The following MYCBP2 variants were observed in gnomAD, a reference collection of about 807,000 sequenced individuals.
The protein encoded by MYCBP2 is E3 ubiquitin-protein ligase MYCBP2.
MYCBP2 carries 120 observed loss-of-function variants against 525.3 expected under a neutral mutation model. The ratio of observed to expected loss-of-function variants is 0.23; its 90% CI spans 0.20 to 0.27. MYCBP2 has a LOEUF of 0.27. Among genes scored for constraint, MYCBP2 ranks in the 10% least tolerant of loss-of-function variants. The pLI, the probability that MYCBP2 is intolerant of heterozygous loss-of-function variation, is 1.00. For synonymous variants in MYCBP2, 1,894 were observed against 1,955.8 expected, an observed-to-expected ratio of 0.97 and a Z score of 0.83; for missense variants, 4,149 against 5,657.1, an observed-to-expected ratio of 0.73 and a Z score of 8.55.
At chr13:77,309,512 A>G (rs1217446148) in intron 1 of MYCBP2, among the ~76,000 whole-genome samples, 2 of 152,352 alleles carry the variant, frequency 1.3e-5, no homozygotes, top group East Asian at 3.9e-4. Context: ...AAAGAAGAAA[A>G]TTCAGAGAGA....
chr13:77,071,269 ACG>A (rs1172668839), intron 68 of MYCBP2, among the ~76,000 whole-genome samples: 7 of 122,832 alleles, frequency 5.7e-5, no homozygotes, highest in South Asian at 6.2e-4. Context: ...GTGTGTGCAC[ACG>A]CACACACACA....
intron 30 of MYCBP2, among the ~76,000 whole-genome samples, chr13:77,187,599 AG>A: frequency 6.6e-6 from 1 of 152,236 alleles, no homozygotes; most frequent in East Asian, 1.9e-4. Flanking sequence ...GAAGACTGAC[AG>A]AGCCAAATGT....
chr13:77,162,660 CTT>C (rs1016525495), intron 43 of MYCBP2, among the ~76,000 whole-genome samples: 2 of 151,338 alleles, frequency 1.3e-5, no homozygotes, highest in Non-Finnish European at 3.0e-5. Flanking sequence ...TAAACATACT[CTT>C]TTTTTTTCTT....
At chr13:77,171,829 T>TGAA (rs1261116146) in intron 37 of MYCBP2, among the ~76,000 whole-genome samples, 195 bp from the exon 38 acceptor site, 2 of 152,138 alleles carry the variant, frequency 1.3e-5, no homozygotes, top group Non-Finnish European at 2.9e-5. Flanking sequence ...GGGCATAAAG[T>TGAA]GAAGGGTGTT....
intron 21 of MYCBP2, among the ~76,000 whole-genome samples, chr13:77,217,107 T>C (rs1246783675): frequency 6.6e-6 from 1 of 152,232 alleles, no homozygotes; most frequent in East Asian, 1.9e-4. Context: ...GTGCAATCTT[T>C]CTGTAAGTTT....
chr13:77,129,847 AATAC>A (rs1185175084), intron 52 of MYCBP2: 6 of 152,084 alleles, frequency 3.9e-5, no homozygotes, highest in African/African-American at 1.2e-4. Context: ...AGAAAAACAT[AATAC>A]ATACAATCAA....
At chr13:77,055,826 CT>C in intron 79 of MYCBP2, 59 bp from the exon 80 acceptor site, 2 of 1,227,908 alleles carry the variant, frequency 1.6e-6, no homozygotes, top group South Asian at 1.3e-5. Context: ...TCAACAAACA[CT>C]TAGCATGCAC....
chr13:77,081,955 A>C lies in MYCBP2; in HGVS notation c.11075T>G (p.Phe3692Cys). ...ATGAAAGACGTTGCTCTGATGAAGG[A>C]ACTGGTGATCAGATTGCTTGAATTT... The part of the protein sequence containing the change: ...SLKFKQSDHQ[F>C]LHQSNVFHHI... Residue 3692 changes from phenylalanine to cysteine, a missense_variant, in exon 64 of 83, where the codon TTC becomes TGC. Phe to Cys is a radical substitution (Grantham distance 205, BLOSUM62 -2). Around this residue, in one of 21 missense-constraint regions of MYCBP2, gnomAD observed 509 missense variants for 789.4 expected, o/e 0.64. Coordinates refer to ENST00000544440, the MANE Select transcript of MYCBP2 (RefSeq NM_015057.5). This position sits in a 1 kb window ranked among gnomAD's most constrained non-coding sequence, Gnocchi z 4.6. 1 of 1,613,584 alleles carries C rather than the reference A, an allele frequency of 6.2e-7. No homozygotes were observed. The highest frequency in any genetic ancestry group is 8.5e-7 in the Non-Finnish European group (1 of 1,179,710).
At chr13:77,110,743 G>A (rs1453276576) in intron 55 of MYCBP2, among the ~76,000 whole-genome samples, 8 of 152,018 alleles carry the variant, frequency 5.3e-5, no homozygotes, top group Non-Finnish European at 1.0e-4. Flanking sequence ...TCTCAGACTG[G>A]CCAATGCTTA....
chr13:77,251,466 T>C (rs762805589), intron 14 of MYCBP2, 111 bp from the exon 15 acceptor site: 28 of 830,888 alleles, frequency 3.4e-5, no homozygotes, highest in East Asian at 7.6e-5. Flanking sequence ...CAAGCAATTA[T>C]ACAAAGAAAT....
chr13:77,133,360 T>C (rs1566652547), intron 52 of MYCBP2, among the ~76,000 whole-genome samples: 1 of 152,200 alleles, frequency 6.6e-6, no homozygotes, highest in Non-Finnish European at 1.5e-5. Flanking sequence ...AGAATGATCA[T>C]ATCAAATGCA....
At chr13:77,268,710 C>T (rs1035906111) in intron 7 of MYCBP2, among the ~76,000 whole-genome samples, 4 of 151,298 alleles carry the variant, frequency 2.6e-5, no homozygotes, top group Admixed American at 6.6e-5. Flanking sequence ...ACCTGGGAGG[C>T]GGAGGTTGCA....
chr13:77,059,796 T>C (rs2038936639), intron 76 of MYCBP2, among the ~76,000 whole-genome samples, 170 bp from the exon 77 acceptor site: 1 of 152,040 alleles, frequency 6.6e-6, no homozygotes, highest in Admixed American at 6.6e-5. Flanking sequence ...ATAAAGTAAA[T>C]AATGACACAC....
At chr13:77,300,772 A>T (rs1162379588) in intron 1 of MYCBP2, among the ~76,000 whole-genome samples, 1 of 152,248 alleles carries the variant, frequency 6.6e-6, no homozygotes, top group African/African-American at 2.4e-5. Flanking sequence ...GATAGGAGGC[A>T]GGCCAATGCG....
rs2058527629 is a variant in MYCBP2 at position 77,166,467 on chromosome 13, A to T, written c.6202T>A (p.Leu2068Met). The change falls in exon 41 of 83, where the codon TTG (leucine) becomes ATG (methionine). Residue 2068 changes from leucine to methionine, a missense_variant. This residue lies in a region of MYCBP2 where 692 missense variants were observed against 852.7 expected (regional missense o/e 0.81). Coordinates refer to ENST00000544440, the MANE Select transcript of MYCBP2 (RefSeq NM_015057.5). Reference protein sequence around the residue: ...TAQSEDVLRLLIPVRTVQNSG... With the variant: ...TAQSEDVLRLMIPVRTVQNSG... ...TTCTGAACAGTTCTGACAGGAATCA[A>T]CAAACGAAGGACATCTTCTGACTGT... The T allele has an allele frequency of 1.9e-6, 3 of 1,613,948 alleles. No individual in the cohort carries two copies. The highest frequency in any genetic ancestry group is 1.6e-4 in the Middle Eastern group (1 of 6,084).
chr13:77,174,074 A>G (rs891805166), intron 37 of MYCBP2, among the ~76,000 whole-genome samples: 7 of 152,250 alleles, frequency 4.6e-5, no homozygotes, highest in Non-Finnish European at 8.8e-5. Context: ...GTACACAAAC[A>G]TTTCAATGAT....
chr13:77,168,674 A>G (rs750112523), intron 39 of MYCBP2, 28 bp from the exon 40 acceptor site: 2 of 1,597,344 alleles, frequency 1.3e-6, no homozygotes, highest in East Asian at 2.2e-5. Context: ...ATATGGTTAA[A>G]TGAGATACAC....
Position 77,081,873 on chromosome 13 carries a change from G to A in MYCBP2, c.11157C>T (p.Ser3719=). The change falls in exon 64 of 83, where the codon AGC becomes AGT. Residue 3719 remains serine (S), a synonymous_variant. Coordinates refer to ENST00000544440, the MANE Select transcript of MYCBP2 (RefSeq NM_015057.5). The surrounding 1 kb of genome is among the most constrained non-coding windows in gnomAD (Gnocchi z 4.6). ...CTTCAAAGCCAGACTGTATACTGATGCTAAAACTCTCTTCACTATCGCCAT... is the reference window on the plus strand; with the variant it reads ...CTTCAAAGCCAGACTGTATACTGATACTAAAACTCTCTTCACTATCGCCAT... ...SDDGDSEESF[S]ISIQSGFEAM... 6.2e-7 allele frequency: 1 copy of A among 1,613,616 alleles called. No homozygotes were observed. The highest frequency in any genetic ancestry group is 1.3e-5 in the African/African-American group (1 of 75,006).
chr13:77,119,964 TAAC>T (rs1432166093), intron 55 of MYCBP2, among the ~76,000 whole-genome samples: 3 of 152,220 alleles, frequency 2.0e-5, no homozygotes, highest in East Asian at 1.9e-4. Flanking sequence ...TTGTACATAA[TAAC>T]AAATTTTCTC....
Sources: allele counts gnomAD v4.1 joint callset (sites outside exome capture counted in the v4.1 genomes callset), GRCh38; gene constraint gnomAD v4.1.1; regional missense constraint gnomAD v4.1.1; non-coding constraint Gnocchi (gnomAD v3.1); transcripts MANE v1.5; gene names NCBI Gene and HGNC (gene_info 2026-07-23, HGNC 2026-07-21).